DGKB: variants seen among roughly 807,000 people sequenced by gnomAD.
The protein encoded by DGKB is diacylglycerol kinase beta.
A neutral mutation model predicts 114.3 loss-of-function variants in DGKB; 67 were observed. The observed-to-expected ratio is 0.59, with a 90% CI of 0.48 to 0.72. DGKB has a LOEUF of 0.72. DGKB is among the 30% of genes least tolerant of loss of function. The probability of loss-of-function intolerance (pLI) is 0.00; values close to 1 mark genes in which losing one functional copy is unlikely to be tolerated. For missense variants in DGKB, 907 were observed against 975.2 expected (o/e 0.93, Z 0.93); for synonymous variants, 398 against 323.1 (o/e 1.23, Z -2.49).
At chr7:14,750,252 G>C in intron 4 of DGKB, 2 of 470,260 alleles carry the variant, frequency 4.3e-6, no homozygotes, top group South Asian at 3.0e-5. Context: ...ATTAACACAT[G>C]GTATAAGGTA....
chr7:14,642,939 G>A (rs1812096470), intron 13 of DGKB, among the ~76,000 whole-genome samples: 1 of 151,928 alleles, frequency 6.6e-6, no homozygotes, highest in Admixed American at 6.6e-5. Context: ...ATCTCTCTTT[G>A]GATAATGCTC....
intron 7 of DGKB, among the ~76,000 whole-genome samples, chr7:14,701,205 A>C (rs914147982): frequency 1.3e-5 from 2 of 152,206 alleles, no homozygotes; most frequent in African/African-American, 4.8e-5. Context: ...CTGTAAATAC[A>C]TTTACCTATT....
At chr7:14,164,253 C>G (rs142966581) in intron 25 of DGKB, among the ~76,000 whole-genome samples, 1 of 151,820 alleles carries the variant, frequency 6.6e-6, no homozygotes, top group Non-Finnish European at 1.5e-5. Flanking sequence ...ATTTTTTCTC[C>G]CACTCTGGTA....
intron 4 of DGKB, among the ~76,000 whole-genome samples, chr7:14,747,535 T>C (rs760261725): frequency 5.3e-5 from 8 of 152,142 alleles, no homozygotes; most frequent in East Asian, 1.9e-4. Flanking sequence ...ATGGATGATA[T>C]CTTCATCTGT....
At position 14,206,643 on chromosome 7, in the gene DGKB, T is replaced by G. The variant is rs1354341985; in HGVS notation, c.2123-28492A>C. On this transcript the variant is annotated intron_variant, in intron 23 of 25. Transcript: ENST00000402815. The stretch of plus-strand genomic sequence containing the variant: ...ACAGTAAACAACATAATCAGATTTT[T>G]GATGTTGAGAAATCACATGAACCTG... Among the ~76,000 whole-genome samples, 3 of 152,038 alleles carry G rather than the reference T, an allele frequency of 2.0e-5. No homozygotes were observed. The East Asian group carries it at 5.8e-4, about 29-fold the overall frequency.
At chr7:14,292,704 C>T (rs1402164572) in intron 23 of DGKB, among the ~76,000 whole-genome samples, 3 of 152,114 alleles carry the variant, frequency 2.0e-5, no homozygotes, top group Non-Finnish European at 4.4e-5. Flanking sequence ...CCCAAGAAAA[C>T]CATTTAACCT....
At chr7:14,950,503 A>C (rs2128259971) in intron 1 of DGKB, among the ~76,000 whole-genome samples, 1 of 152,104 alleles carries the variant, frequency 6.6e-6, no homozygotes, top group East Asian at 1.9e-4. Flanking sequence ...GTATTAACAA[A>C]ATTTTAGTTG....
At position 14,493,615 on chromosome 7, in the gene DGKB, T is replaced by C. The variant is rs1212454866; in HGVS notation, c.1771-15390A>G. Among the ~76,000 whole-genome samples, 23 of 152,020 alleles carry C rather than the reference T, an allele frequency of 1.5e-4. 1 individual carries two copies. The highest frequency in any genetic ancestry group is 1.5e-3 in the Admixed American group (23 of 15,234). The stretch of plus-strand genomic sequence containing the variant: ...CGAGTGACCTAAGTGGCAGGTAGCA[T>C]ATTCAACGTGGATTCCCTGGACAAA... On this transcript the variant is annotated intron_variant, in intron 20 of 25. Transcript: ENST00000402815.
chr7:14,927,133 G>GTTTC (rs1784788726), intron 1 of DGKB, among the ~76,000 whole-genome samples: 1 of 149,100 alleles, frequency 6.7e-6, no homozygotes, highest in Non-Finnish European at 1.5e-5. Flanking sequence ...TCTTGTTGGA[G>GTTTC]TGGTTGGCTG....
intron 25 of DGKB, among the ~76,000 whole-genome samples, chr7:14,150,622 C>A (rs1327304897): frequency 6.6e-6 from 1 of 152,060 alleles, no homozygotes; most frequent in Non-Finnish European, 1.5e-5. Context: ...CTAACCCAGC[C>A]TCAAACTCTA....
intron 13 of DGKB, among the ~76,000 whole-genome samples, chr7:14,660,182 G>A (rs1440420831): frequency 1.3e-5 from 2 of 152,068 alleles, no homozygotes; most frequent in South Asian, 2.1e-4. Context: ...AAGGATATTG[G>A]TCTAAAATTC....
intron 23 of DGKB, among the ~76,000 whole-genome samples, chr7:14,293,651 C>T (rs1802102166): frequency 6.6e-6 from 1 of 152,116 alleles, no homozygotes; most frequent in Admixed American, 6.6e-5. Context: ...TGTGCCTCAT[C>T]TCTTCCTTGG....
intron 23 of DGKB, among the ~76,000 whole-genome samples, chr7:14,336,984 A>G (rs113107944): frequency 2.6e-5 from 4 of 152,160 alleles, no homozygotes; most frequent in African/African-American, 9.7e-5. Flanking sequence ...ATTATTTTGT[A>G]TATATTATTT....
chr7:14,791,398 A>C (rs181963947), intron 2 of DGKB, among the ~76,000 whole-genome samples: 1 of 151,176 alleles, frequency 6.6e-6, no homozygotes, highest in Non-Finnish European at 1.5e-5. Flanking sequence ...TTCTGATATA[A>C]TTTTTTTATT....
intron 23 of DGKB, among the ~76,000 whole-genome samples, chr7:14,266,318 C>T (rs2128422284): frequency 6.6e-6 from 1 of 152,174 alleles, no homozygotes; most frequent in Admixed American, 6.5e-5. Context: ...GAATGAAATG[C>T]ATTTCTATTT....
Position 14,682,603 on chromosome 7 carries a change from T to A in DGKB, c.985A>T (p.Lys329Ter). 2 of 1,613,608 alleles carry A rather than the reference T, an allele frequency of 1.2e-6. No individual in the cohort carries two copies. The highest frequency in any genetic ancestry group is 1.7e-6 in the Non-Finnish European group (2 of 1,179,614). The change falls in exon 12 of 26, where the codon AAA becomes TAA. Residue 329 changes from lysine (K) to a stop codon, truncating the protein, a stop_gained. Coordinates refer to ENST00000402815, the MANE Select transcript of DGKB (RefSeq NM_001350709.2). LOFTEE classifies it high-confidence loss of function. ...AGTCCTGTCAGGCCCTGGTAACATTTAACAGTTTTGTGGCACTTATCACAC... is the reference window on the plus strand; with the variant it reads ...AGTCCTGTCAGGCCCTGGTAACATTAAACAGTTTTGTGGCACTTATCACAC... ...TKCDKCHKTV[K>*]CYQGLTGLHC...
At chr7:14,444,766 A>T (rs1208488565) in intron 21 of DGKB, among the ~76,000 whole-genome samples, 2 of 151,888 alleles carry the variant, frequency 1.3e-5, no homozygotes, top group Non-Finnish European at 3.0e-5. Context: ...TGCCTATTAC[A>T]TTATAAATTC....
intron 2 of DGKB, among the ~76,000 whole-genome samples, chr7:14,827,529 T>A (rs1845863670): frequency 6.6e-6 from 1 of 152,130 alleles, no homozygotes; most frequent in Admixed American, 6.6e-5. Context: ...TCTTTGAAAA[T>A]GCTGTTTCTA....
At chr7:14,471,804 A>T (rs1412774419) in intron 21 of DGKB, among the ~76,000 whole-genome samples, 1 of 152,144 alleles carries the variant, frequency 6.6e-6, no homozygotes. Flanking sequence ...GAAGATAAAT[A>T]TACCATGAAA....
Sources: gnomAD v4.1 joint callset for allele counts (sites outside exome capture counted in the v4.1 genomes callset) on GRCh38, gnomAD v4.1.1 for gene constraint, MANE v1.5 for transcripts, NCBI Gene and HGNC (gene_info 2026-07-23, HGNC 2026-07-21) for gene names.